MPDZ: variants seen among roughly 807,000 people sequenced by gnomAD.
The protein encoded by MPDZ is multiple PDZ domain protein.
In MPDZ, 234 loss-of-function variants were observed where a neutral mutation model predicts 239.1. That is an observed-to-expected ratio of 0.98 (90% confidence interval 0.88 to 1.09). The LOEUF is 1.09. Ranked by LOEUF, MPDZ falls within the 50% of genes least tolerant of loss-of-function variation. The pLI, the probability that MPDZ is intolerant of heterozygous loss-of-function variation, is 0.00. For synonymous variants in MPDZ, 1,048 were observed against 881.3 expected (o/e 1.19, Z -3.35); for missense variants, 3,175 against 2,510.0 (o/e 1.26, Z -5.66).
At chr9:13,267,257 T>A (rs531992439) in intron 1 of MPDZ, among the ~76,000 whole-genome samples, 1 of 152,250 alleles carries the variant, frequency 6.6e-6, no homozygotes, top group Non-Finnish European at 1.5e-5. Context: ...GTTTTACTGT[T>A]TGAAATGAAA....
intron 39 of MPDZ, among the ~76,000 whole-genome samples, chr9:13,116,081 G>A (rs969054751): frequency 1.3e-5 from 2 of 151,884 alleles, no homozygotes; most frequent in Non-Finnish European, 2.9e-5. Flanking sequence ...CACTGTGCCT[G>A]AATAGACTTA....
chr9:13,255,474 T>C (rs1434116892), intron 1 of MPDZ, among the ~76,000 whole-genome samples: 2 of 152,234 alleles, frequency 1.3e-5, no homozygotes, highest in Admixed American at 1.3e-4. Context: ...AGAGGAATCA[T>C]TAAGTACAGA....
Position 13,125,301 on chromosome 9 carries a change from A to G in MPDZ, c.4722T>C (p.Ala1574=). ...TCTTTTTTTCTCCACTGGCTGCACC[A>G]GCTGCTGAAGGAACAGCCTGGGAAT... The part of the protein sequence containing the change: ...NPDSQAVPSA[A]GAASGEKKNS... Residue 1574 remains alanine (A), a synonymous_variant, in exon 35 of 47, where the codon GCT becomes GCC. Coordinates refer to ENST00000319217, the MANE Select transcript of MPDZ (RefSeq NM_001378778.1). The G allele has an allele frequency of 6.2e-7, 1 of 1,613,864 alleles. No homozygotes were observed.
At chr9:13,196,998 C>A (rs1955731751) in intron 12 of MPDZ, among the ~76,000 whole-genome samples, 1 of 151,736 alleles carries the variant, frequency 6.6e-6, no homozygotes, top group Non-Finnish European at 1.5e-5. Context: ...ATTCAAATTT[C>A]AAATTTAAAA....
chr9:13,138,028 T>C lies in MPDZ; in HGVS notation c.4129A>G (p.Ile1377Val), dbSNP rs1386658616. Residue 1377 changes from isoleucine (I) to valine (V), a missense_variant, in exon 29 of 47, where the codon ATA becomes GTA. Coordinates refer to ENST00000319217, the MANE Select transcript of MPDZ (RefSeq NM_001378778.1). ...GCTCCATTTGGATCAATCCCCACTA[T>C]GAAGACACTCATCCTGGATCGGTCT... ...NKDRSRMSVF[I>V]VGIDPNGAAG... is the part of the protein sequence containing the mutation. The C allele has an allele frequency of 2.9e-5, 46 of 1,613,772 alleles. No individual in the cohort carries two copies. The highest frequency in any genetic ancestry group is 3.8e-5 in the Non-Finnish European group (45 of 1,179,820).
chr9:13,165,152 G>C (rs1950919548), intron 22 of MPDZ, among the ~76,000 whole-genome samples: 1 of 152,120 alleles, frequency 6.6e-6, no homozygotes, highest in Non-Finnish European at 1.5e-5. Context: ...TTTCAAATGA[G>C]TTCACAATCA....
chr9:13,275,179 T>C (rs1222157243), intron 1 of MPDZ, among the ~76,000 whole-genome samples: 1 of 152,222 alleles, frequency 6.6e-6, no homozygotes, highest in Admixed American at 6.5e-5. Flanking sequence ...AACCTTGTTA[T>C]GAGCTAAACT....
rs1389068853 is a variant in MPDZ, at chr9:13,186,402, G to A, written c.2365-16C>T. 1 of 1,492,950 alleles carries A rather than the reference G, an allele frequency of 6.7e-7. No homozygotes were observed. Among genetic ancestry groups the A allele is most frequent in the African/African-American group, 1.4e-5 (1 of 71,918 alleles). 92.5% of individuals were successfully genotyped at this position (1,492,950 alleles called of 1,614,324 possible). ...CTGGTGAAAGCTGCAGGGAAAAAAT[G>A]GTATTCATGGAAAAGAGAGAGAACA... is the stretch of plus-strand genomic sequence containing the variant. On this transcript the variant is annotated splice_polypyrimidine_tract_variant and intron_variant, in intron 17 of 46. Coordinates refer to ENST00000319217, the MANE Select transcript of MPDZ (RefSeq NM_001378778.1).
At chr9:13,243,756 G>C (rs559233860) in intron 3 of MPDZ, among the ~76,000 whole-genome samples, 3 of 152,102 alleles carry the variant, frequency 2.0e-5, no homozygotes, top group Non-Finnish European at 2.9e-5. Context: ...CCTTAATTTT[G>C]TGTGCATACA....
At chr9:13,145,395 C>T (rs552068702) in intron 26 of MPDZ, among the ~76,000 whole-genome samples, 1 of 151,984 alleles carries the variant, frequency 6.6e-6, no homozygotes, top group Non-Finnish European at 1.5e-5. Flanking sequence ...ATTACCAGGG[C>T]TAGTTCTGGA....
At chr9:13,250,219 G>A (rs1390473776) in intron 2 of MPDZ, 81 bp downstream of exon 2, 6 of 1,366,300 alleles carry the variant, frequency 4.4e-6, no homozygotes, top group East Asian at 2.4e-5. Context: ...ATCCTGCTAT[G>A]TTAAACACAA....
chr9:13,236,249 G>GTA lies in MPDZ; in HGVS notation c.183+11384_183+11385dup, dbSNP rs1172287952. Among the ~76,000 whole-genome samples, 238 of 35,824 alleles carry GTA rather than the reference G, an allele frequency of 6.6e-3. 16 individuals are homozygous for GTA. The highest frequency in any genetic ancestry group is 0.027 in the African/African-American group (230 of 8,530). The allele number at this position is 35,824 out of a possible 152,430, so 23.5% of individuals were successfully genotyped here. A position where few individuals can be genotyped will look rare whatever the true frequency, so the allele number is the denominator to read the frequency against. On this transcript the variant is annotated intron_variant, in intron 3 of 46. Transcript: ENST00000319217. ...TGTATATGTATATGTGTGTGTGTGT[G>GTA]TATATATATATATATATATTTTTTT...
At chr9:13,224,609 G>GAATTTTGACATTCCATAAACT in intron 3 of MPDZ, 26 bp from the exon 4 acceptor site, 2 of 1,457,856 alleles carry the variant, frequency 1.4e-6, no homozygotes, top group East Asian at 4.6e-5. Context: ...GGATTATTAA[G>GAATTTTGACATTCCATAAACT]AATTTTGACA....
chr9:13,109,944 G>T lies in MPDZ; in HGVS notation c.5942+8C>A. 1 of 1,602,980 alleles carries T rather than the reference G, an allele frequency of 6.2e-7. No homozygotes were observed. Among genetic ancestry groups the T allele is most frequent in the South Asian group, 1.1e-5 (1 of 90,374 alleles). On this transcript the variant is annotated splice_region_variant and intron_variant, in intron 45 of 46. Transcript: ENST00000319217. ...AAATGATACACTAATCATCATGTAT[G>T]AACTCACCCTAAATCATCCTGAAAT... is the stretch of plus-strand genomic sequence containing the variant.
intron 18 of MPDZ, among the ~76,000 whole-genome samples, chr9:13,184,723 G>A (rs1363735069): frequency 6.6e-6 from 1 of 151,910 alleles, no homozygotes; most frequent in Non-Finnish European, 1.5e-5. Flanking sequence ...ATTAATGAAA[G>A]AATACCTCAA....
At position 13,247,287 on chromosome 9, in the gene MPDZ, T is replaced by C. The variant is rs529764897; in HGVS notation, c.183+348A>G. ...AGTATACTGAATGTCCGAATCTGAA[T>C]GAGCAAGATCACATGAACAATGAGC... On this transcript the variant is annotated intron_variant, in intron 3 of 46. Coordinates refer to ENST00000319217, the MANE Select transcript of MPDZ (RefSeq NM_001378778.1). Among the ~76,000 whole-genome samples, 69 of 152,326 alleles carry C rather than the reference T, an allele frequency of 4.5e-4. 3 individuals carry two copies. In the South Asian group the frequency reaches 0.013, roughly 29 times the overall value.
intron 35 of MPDZ, among the ~76,000 whole-genome samples, chr9:13,124,192 G>A (rs62532653): frequency 2.6e-5 from 4 of 152,076 alleles, no homozygotes; most frequent in Non-Finnish European, 4.4e-5. Context: ...TTTCTTTTAT[G>A]TTAAGTTTTC....
At chr9:13,204,458 T>A (rs1956768271) in intron 12 of MPDZ, among the ~76,000 whole-genome samples, 1 of 152,048 alleles carries the variant, frequency 6.6e-6, no homozygotes, top group Admixed American at 6.6e-5. Context: ...TCTAAATTTT[T>A]AAAAATAGCT....
intron 22 of MPDZ, chr9:13,165,551 C>A: frequency 1.4e-6 from 1 of 734,938 alleles, no homozygotes; most frequent in Non-Finnish European, 2.2e-6. Flanking sequence ...CCACCTCCCT[C>A]CCATCTACAC....
Sources: gnomAD v4.1 joint callset for allele counts (sites outside exome capture counted in the v4.1 genomes callset) on GRCh38, gnomAD v4.1.1 for gene constraint, MANE v1.5 for transcripts, NCBI Gene and HGNC (gene_info 2026-07-23, HGNC 2026-07-21) for gene names.